PHLDB2: variants seen among roughly 807,000 people sequenced by gnomAD.
PHLDB2 encodes pleckstrin homology-like domain family B member 2.
In PHLDB2, 71 loss-of-function variants were observed where a neutral mutation model predicts 123.6. The ratio of observed to expected loss-of-function variants is 0.57; its 90% CI spans 0.47 to 0.70. The LOEUF is 0.70. Ranked by LOEUF, PHLDB2 falls within the 30% of genes least tolerant of loss-of-function variation. The pLI, the probability that PHLDB2 is intolerant of heterozygous loss-of-function variation, is 0.00. For missense variants in PHLDB2, 1,446 were observed against 1,519.5 expected, an observed-to-expected ratio of 0.95 and a Z score of 0.80; for synonymous variants, 547 against 541.6, an observed-to-expected ratio of 1.01 and a Z score of -0.14.
At chr3:111,928,789 G>A (rs1350390860) in intron 5 of PHLDB2, among the ~76,000 whole-genome samples, 1 of 152,122 alleles carries the variant, frequency 6.6e-6, no homozygotes. Context: ...GACCCAACTG[G>A]ATTTTGCTCG....
intron 1 of PHLDB2, among the ~76,000 whole-genome samples, chr3:111,791,044 G>A (rs939102498): frequency 1.3e-5 from 2 of 151,840 alleles, no homozygotes; most frequent in African/African-American, 4.8e-5. Context: ...CTAACTTTTG[G>A]TAATGTTTTA....
intron 2 of PHLDB2, 132 bp from the exon 3 acceptor site, chr3:111,913,187 T>G: frequency 1.7e-5 from 18 of 1,047,090 alleles, no homozygotes; most frequent in Non-Finnish European, 2.4e-5. Flanking sequence ...ATGAAAATCA[T>G]CACCAGCCAA....
intron 1 of PHLDB2, among the ~76,000 whole-genome samples, chr3:111,830,961 G>GAA (rs1559854971): frequency 7.8e-5 from 2 of 25,766 alleles, no homozygotes; most frequent in African/African-American, 3.5e-4. Flanking sequence ...GAAAGAGAAA[G>GAA]AAAGAAAGAA....
intron 1 of PHLDB2, among the ~76,000 whole-genome samples, chr3:111,876,313 G>T (rs1021042675): frequency 6.6e-6 from 1 of 152,100 alleles, no homozygotes; most frequent in Non-Finnish European, 1.5e-5. Flanking sequence ...ATGTACAGTT[G>T]ACTCTAGAGC....
At chr3:111,779,981 CATGTGT>C in intron 1 of PHLDB2, 1 of 539,894 alleles carries the variant, frequency 1.9e-6, no homozygotes, top group Non-Finnish European at 2.4e-6. Flanking sequence ...AGGACTCTGA[CATGTGT>C]CTATTCACAA....
chr3:111,942,897 C>T (rs1244454527), intron 8 of PHLDB2, among the ~76,000 whole-genome samples: 1 of 151,580 alleles, frequency 6.6e-6, no homozygotes, highest in Non-Finnish European at 1.5e-5. Flanking sequence ...CGGAAACACA[C>T]ATGAAACAAA....
intron 5 of PHLDB2, among the ~76,000 whole-genome samples, chr3:111,927,987 G>A (rs1023651339): frequency 1.3e-5 from 2 of 152,140 alleles, no homozygotes; most frequent in Non-Finnish European, 2.9e-5. Context: ...CAAGCCTTGC[G>A]TTTTTAAGAT....
At chr3:111,864,008 C>A (rs1017394492) in intron 1 of PHLDB2, among the ~76,000 whole-genome samples, 6 of 152,074 alleles carry the variant, frequency 3.9e-5, no homozygotes, top group Admixed American at 3.3e-4. Context: ...CAGGTTCTGG[C>A]CATATAGGAA....
In PHLDB2 at chr3:111,969,829, A is replaced by G; in HGVS notation, c.3455A>G (p.Lys1152Arg). The change falls in exon 16 of 18, where the codon AAA (lysine) becomes AGA (arginine). Residue 1152 changes from lysine to arginine, a missense_variant. By Grantham distance (26) the Lys-to-Arg change is conservative. This residue lies in a region of PHLDB2 where 594 missense variants were observed against 646.0 expected (regional missense o/e 0.92). Transcript: ENST00000431670. ...AAGACCTGCCGAGGATTCCTCATCAAAATGGGTGGGAAAATTAAAACGTGG... is the reference window on the plus strand; with the variant it reads ...AAGACCTGCCGAGGATTCCTCATCAGAATGGGTGGGAAAATTAAAACGTGG... ...TEKTCRGFLI[K>R]MGGKIKTWKK... 6.2e-7 allele frequency: 1 copy of G among 1,614,102 alleles called. No individual in the cohort carries two copies. Among genetic ancestry groups the G allele is most frequent in the Non-Finnish European group, 8.5e-7 (1 of 1,179,940 alleles).
At position 111,773,733 on chromosome 3, in the gene PHLDB2, C is replaced by G. The variant is rs142036469; in HGVS notation, c.-49+41030C>G. 2.0e-3 allele frequency among the ~76,000 whole-genome samples: 299 copies of G among 152,244 alleles called. 2 individuals are homozygous for G. The highest frequency in any genetic ancestry group is 6.8e-3 in the Middle Eastern group (2 of 294). The stretch of plus-strand genomic sequence containing the variant: ...ACATAGCTGCTTTACTCATCAGGAA[C>G]TTAGCAAGAAAAGAGTTTATGCTTA... On this transcript the variant is annotated intron_variant, in intron 1 of 17. Coordinates refer to the PHLDB2 transcript ENST00000393923.
intron 1 of PHLDB2, among the ~76,000 whole-genome samples, chr3:111,749,899 AT>A (rs1156584048): frequency 6.6e-6 from 1 of 152,258 alleles, no homozygotes; most frequent in Non-Finnish European, 1.5e-5. Context: ...ATTGAAGGTA[AT>A]TTTTTTCTGG....
At chr3:111,972,192 G>A (rs916575402) in intron 16 of PHLDB2, among the ~76,000 whole-genome samples, 1 of 152,108 alleles carries the variant, frequency 6.6e-6, no homozygotes, top group African/African-American at 2.4e-5. Flanking sequence ...ATGAATTACT[G>A]CAATATCATT....
chr3:111,953,784 A>T, intron 11 of PHLDB2, 146 bp from the exon 12 acceptor site: 1 of 592,292 alleles, frequency 1.7e-6, no homozygotes, highest in Non-Finnish European at 2.9e-6. Context: ...GGCCTTTACC[A>T]CTTAGCATCA....
Position 111,973,717 on chromosome 3 carries a change from T to C in PHLDB2, c.3536-15T>C. The C allele has an allele frequency of 1.3e-6, 2 of 1,517,288 alleles. No homozygotes were observed. Among genetic ancestry groups the C allele is most frequent in the Non-Finnish European group, 1.8e-6 (2 of 1,099,186 alleles). 94.0% of individuals were successfully genotyped at this position (1,517,288 alleles called of 1,614,324 possible). On this transcript the variant is annotated splice_polypyrimidine_tract_variant and intron_variant, in intron 16 of 17. Coordinates refer to ENST00000431670, the MANE Select transcript of PHLDB2 (RefSeq NM_001134438.2). ...CAGTGGCGATAAAGTATTTAACACTTATCTGTCTTTGCAGACAAGCATGAA... is the reference window on the plus strand; with the variant it reads ...CAGTGGCGATAAAGTATTTAACACTCATCTGTCTTTGCAGACAAGCATGAA...
chr3:111,958,627 A>C (rs993639615), intron 12 of PHLDB2: 33 of 439,184 alleles, frequency 7.5e-5, no homozygotes, highest in Middle Eastern at 3.3e-4. Context: ...GATTAGAAAC[A>C]AGCCTCAATT....
intron 2 of PHLDB2, among the ~76,000 whole-genome samples, chr3:111,894,415 G>A (rs9851202): frequency 0.6 from 90,852 of 150,876 alleles, 28,112 homozygotes; most frequent in East Asian, 0.94. Flanking sequence ...TAGTCCTTTG[G>A]GTATATACCC....
chr3:111,939,049 C>G (rs2069694378), intron 6 of PHLDB2, among the ~76,000 whole-genome samples: 1 of 152,056 alleles, frequency 6.6e-6, no homozygotes, highest in African/African-American at 2.4e-5. Context: ...CTCAGGTGAT[C>G]CCCCCTCCTC....
Position 111,859,546 on chromosome 3 carries a change from G to C in PHLDB2, c.-45G>C, listed in dbSNP as rs1046031016. 2.0e-6 allele frequency: 2 copies of C among 985,566 alleles called. No individual in the cohort carries two copies. The highest frequency in any genetic ancestry group is 4.7e-5 in the South Asian group (1 of 21,296). 61.1% of individuals were successfully genotyped at this position (985,566 alleles called of 1,614,324 possible). On this transcript the variant is annotated 5_prime_UTR_variant, in exon 1 of 18. Coordinates refer to ENST00000431670, the MANE Select transcript of PHLDB2 (RefSeq NM_001134438.2). ...GCAAGGAGCGCGCCTGCCTTCTCTCGCCGCCGGGAACGGGCTGCACCAATG... is the reference window on the plus strand; with the variant it reads ...GCAAGGAGCGCGCCTGCCTTCTCTCCCCGCCGGGAACGGGCTGCACCAATG...
rs2070231648 is a variant in PHLDB2, at chr3:111,945,421, T to C, written c.2487+64T>C. On this transcript the variant is annotated intron_variant, in intron 9 of 17. Coordinates refer to ENST00000431670, the MANE Select transcript of PHLDB2 (RefSeq NM_001134438.2). Reference sequence around the variant, plus strand: ...GAAATCAGGAGATGTATTTCAGCTTTATTTGATTAGCTGAATAATAAAAAT... The same window carrying C: ...GAAATCAGGAGATGTATTTCAGCTTCATTTGATTAGCTGAATAATAAAAAT... The C allele has an allele frequency of 2.1e-5, 25 of 1,203,952 alleles. 1 individual carries two copies. Among genetic ancestry groups the C allele is most frequent in the Middle Eastern group, 1.9e-4 (1 of 5,258 alleles). 74.6% of individuals were successfully genotyped at this position (1,203,952 alleles called of 1,614,324 possible). A position where few individuals can be genotyped will look rare whatever the true frequency, so the allele number is the denominator to read the frequency against.
Sources: gnomAD v4.1 joint callset for allele counts (sites outside exome capture counted in the v4.1 genomes callset) on GRCh38, gnomAD v4.1.1 for gene constraint, gnomAD v4.1.1 regional missense constraint, MANE v1.5 for transcripts, NCBI Gene and HGNC (gene_info 2026-07-23, HGNC 2026-07-21) for gene names.